CDH18: variants seen among roughly 807,000 people sequenced by gnomAD.
The protein encoded by CDH18 is cadherin 18, also known as cadherin-18.
Under a neutral mutation model 67.9 loss-of-function variants are expected in CDH18, and 31 were observed. That is an observed-to-expected ratio of 0.46 (90% CI 0.34 to 0.62). The LOEUF is 0.62. Among genes scored for constraint, CDH18 ranks in the 20% least tolerant of loss-of-function variants. The pLI is 0.01. For missense variants in CDH18, 890 were observed against 975.5 expected (o/e 0.91, Z 1.17); for synonymous variants, 362 against 347.2 (o/e 1.04, Z -0.48).
rs544141347 is a variant in CDH18 at position 20,349,599 on chromosome 5, T to C, written c.-579-94094A>G. On this transcript the variant is annotated intron_variant, in intron 1 of 14. Coordinates refer to the CDH18 transcript ENST00000507958. ...TATGTATTCATAGTAAGTAAAGACA[T>C]GAAAAGGATATAATATCAGTATATC... Among the ~76,000 whole-genome samples the C allele has an allele frequency of 2.6e-5, 4 of 152,198 alleles. No individual in the cohort carries two copies. The South Asian group carries it at 8.3e-4, about 32-fold the overall frequency.
At chr5:20,001,047 A>T (rs1736399818) in intron 2 of CDH18, among the ~76,000 whole-genome samples, 1 of 152,234 alleles carries the variant, frequency 6.6e-6, no homozygotes, top group Admixed American at 6.5e-5. Context: ...AAATGATGTA[A>T]CTAAAAATAG....
chr5:19,703,610 GCAGTGCCTC>G (rs1327167093), intron 5 of CDH18, among the ~76,000 whole-genome samples: 1 of 152,046 alleles, frequency 6.6e-6, no homozygotes, highest in Non-Finnish European at 1.5e-5. Context: ...GACTGTTCAA[GCAGTGCCTC>G]GAGTGACTGC....
chr5:19,483,414 G>A lies in CDH18; in HGVS notation c.1769C>T (p.Ala590Val). The A allele has an allele frequency of 6.2e-7, 1 of 1,614,070 alleles. No individual in the cohort carries two copies. Among genetic ancestry groups the A allele is most frequent in the South Asian group, 1.1e-5 (1 of 91,070 alleles). ...SSSTLTIRVC[A>V]CERDGRVRTC... ...CCGCACACGCCCATCTCTCTCGCAT[G>A]CACAAACCCTGATGGTGAGGGTGCT... Residue 590 changes from alanine to valine, a missense_variant, in exon 12 of 13, where the codon GCA (alanine) becomes GTA (valine). Physicochemically the swap from Ala to Val is moderately conservative, Grantham distance 64 (BLOSUM62 0). Around this residue, in one of 2 missense-constraint regions of CDH18, gnomAD observed 656 missense variants for 668.1 expected, o/e 0.98. Transcript: ENST00000382275.
At chr5:20,005,018 C>A (rs1482734925) in intron 2 of CDH18, among the ~76,000 whole-genome samples, 1 of 151,972 alleles carries the variant, frequency 6.6e-6, no homozygotes, top group Non-Finnish European at 1.5e-5. Flanking sequence ...GTTAAGAATC[C>A]CTGTGATTGA....
At chr5:19,511,158 C>T (rs1745055510) in intron 10 of CDH18, among the ~76,000 whole-genome samples, 1 of 152,226 alleles carries the variant, frequency 6.6e-6, no homozygotes, top group East Asian at 1.9e-4. Flanking sequence ...CTCAGCACTT[C>T]TCTTTCATGC....
intron 1 of CDH18, among the ~76,000 whole-genome samples, chr5:20,544,869 A>C (rs115079797): frequency 6.6e-6 from 1 of 152,192 alleles, no homozygotes; most frequent in East Asian, 1.9e-4. Context: ...TTCCAGCATT[A>C]ACTCAAAAGT....
chr5:20,031,840 C>T (rs1285344681), intron 2 of CDH18, among the ~76,000 whole-genome samples: 1 of 152,004 alleles, frequency 6.6e-6, no homozygotes, highest in Non-Finnish European at 1.5e-5. Context: ...TATATTATTA[C>T]AGACTACAAA....
intron 7 of CDH18, among the ~76,000 whole-genome samples, chr5:19,578,224 T>C (rs757685670): frequency 1.3e-5 from 2 of 152,206 alleles, no homozygotes; most frequent in Non-Finnish European, 2.9e-5. Flanking sequence ...TGTAGAAACA[T>C]AGTAGAAATT....
chr5:19,575,300 T>C (rs1742138031), intron 7 of CDH18, among the ~76,000 whole-genome samples: 1 of 152,234 alleles, frequency 6.6e-6, no homozygotes, highest in Non-Finnish European at 1.5e-5. Flanking sequence ...CATGCATTCA[T>C]ATTCCAACAT....
chr5:20,297,258 T>A (rs1747614480), intron 1 of CDH18, among the ~76,000 whole-genome samples: 1 of 152,238 alleles, frequency 6.6e-6, no homozygotes, highest in Non-Finnish European at 1.5e-5. Flanking sequence ...TCTGAATTGC[T>A]GCATATAGTC....
Position 19,829,817 on chromosome 5 carries a change from T to C in CDH18, c.228+8942A>G, listed in dbSNP as rs1015758928. ...CAAGGCTATAGTAACCAAAACAACA[T>C]GGTACAAGTACAAAAAAATGGACCA... is the stretch of plus-strand genomic sequence containing the variant. On this transcript the variant is annotated intron_variant, in intron 3 of 12. Transcript: ENST00000382275. Among the ~76,000 whole-genome samples, 30 of 152,054 alleles carry C rather than the reference T, an allele frequency of 2.0e-4. 1 individual carries two copies. Among genetic ancestry groups the C allele is most frequent in the Non-Finnish European group, 1.2e-4 (8 of 67,994 alleles).
intron 4 of CDH18, among the ~76,000 whole-genome samples, chr5:19,745,303 C>A (rs1231706344): frequency 1.3e-5 from 2 of 152,192 alleles, no homozygotes; most frequent in African/African-American, 2.4e-5. Flanking sequence ...TTTGTGGCAT[C>A]CATAAAAGCC....
intron 3 of CDH18, among the ~76,000 whole-genome samples, chr5:19,814,319 T>G (rs903905113): frequency 1.3e-5 from 2 of 152,042 alleles, no homozygotes; most frequent in Non-Finnish European, 2.9e-5. Context: ...GATAATACTA[T>G]TGGTTTTGGT....
intron 1 of CDH18, among the ~76,000 whole-genome samples, chr5:20,262,980 G>A (rs1744764760): frequency 1.6e-5 from 2 of 127,180 alleles, no homozygotes; most frequent in Non-Finnish European, 1.6e-5. Flanking sequence ...GAAGGGAAGG[G>A]AAGGGAAGGG....
intron 12 of CDH18, among the ~76,000 whole-genome samples, chr5:19,476,767 A>G (rs1738538678): frequency 6.6e-6 from 1 of 151,968 alleles, no homozygotes; most frequent in Non-Finnish European, 1.5e-5. Flanking sequence ...ATGTCAAGGG[A>G]ATTTATGTGC....
intron 1 of CDH18, among the ~76,000 whole-genome samples, chr5:20,367,358 C>T (rs1308497245): frequency 6.6e-6 from 1 of 152,102 alleles, no homozygotes; most frequent in Non-Finnish European, 1.5e-5. Flanking sequence ...CAGGCTTCTC[C>T]CATCATAAAT....
In CDH18 at chr5:20,434,566, TA is replaced by T. The variant is rs534838272; in HGVS notation, c.-580+140895del. ...AATGTTACCTGAAACATAGAAGATTTAAAAAAAATAGCTGGTATAAGCATAA... is the reference window on the plus strand; with the variant it reads ...AATGTTACCTGAAACATAGAAGATTTAAAAAAATAGCTGGTATAAGCATAA... On this transcript the variant is annotated intron_variant, in intron 1 of 14. Transcript: ENST00000507958. 4.7e-4 allele frequency among the ~76,000 whole-genome samples: 71 copies of T among 151,810 alleles called. 2 individuals are homozygous for T. The highest frequency in any genetic ancestry group is 1.5e-3 in the African/African-American group (62 of 41,444).
chr5:20,248,972 C>T (rs375785123), intron 2 of CDH18, among the ~76,000 whole-genome samples: 1 of 152,144 alleles, frequency 6.6e-6, no homozygotes, highest in South Asian at 2.1e-4. Flanking sequence ...TGAGGTTATA[C>T]AATAGGCTTA....
rs375876376 is a variant in CDH18, at chr5:19,928,694, A to C, written c.-257+52366T>G. Among the ~76,000 whole-genome samples, 103 of 152,246 alleles carry C rather than the reference A, an allele frequency of 6.8e-4. No individual in the cohort carries two copies. In the South Asian group the frequency reaches 0.019, roughly 28 times the overall value. On this transcript the variant is annotated intron_variant, in intron 2 of 12. Transcript: ENST00000382275. Reference sequence around the variant, plus strand: ...TCAGAACACTGGGAGGATTGGCAGGAATGAACCTGGGAAGAAAACAGCCCA... The same window carrying C: ...TCAGAACACTGGGAGGATTGGCAGGCATGAACCTGGGAAGAAAACAGCCCA...
Sources: allele counts gnomAD v4.1 joint callset (sites outside exome capture counted in the v4.1 genomes callset), GRCh38; gene constraint gnomAD v4.1.1; regional missense constraint gnomAD v4.1.1; transcripts MANE v1.5; gene names NCBI Gene and HGNC (gene_info 2026-07-23, HGNC 2026-07-21).